Variants in PDE1A observed in about 807,000 individuals in gnomAD.
PDE1A encodes phosphodiesterase 1A, also known as dual specificity calcium/calmodulin-dependent 3',5'-cyclic nucleotide phosphodiesterase 1A.
In PDE1A, 35 loss-of-function variants were observed where a neutral mutation model predicts 61.7. The observed-to-expected ratio is 0.57, with a 90% confidence interval of 0.43 to 0.75. The LOEUF is 0.75. Among genes scored for constraint, PDE1A ranks in the 30% least tolerant of loss-of-function variants. The probability of loss-of-function intolerance (pLI) is 0.00; values close to 1 mark genes in which losing one functional copy is unlikely to be tolerated. For missense variants in PDE1A, 597 were observed against 630.6 expected (o/e 0.95, Z 0.57); for synonymous variants, 232 against 213.2 (o/e 1.09, Z -0.77).
the PDE1A span, among the ~76,000 whole-genome samples, chr2:182,559,054 G>T: frequency 6.6e-6 from 1 of 152,170 alleles, no homozygotes; most frequent in Non-Finnish European, 1.5e-5. Context: ...CAAACTTTGA[G>T]AATACCTCAA....
the PDE1A span, among the ~76,000 whole-genome samples, chr2:182,641,296 G>A: frequency 1.3e-5 from 2 of 151,984 alleles, no homozygotes; most frequent in African/African-American, 2.4e-5. Context: ...TTCTATTTTA[G>A]TTTAGGATTA....
rs1025316376 is a variant in PDE1A at position 182,189,121 on chromosome 2, C to T, written c.1126-61G>A. On this transcript the variant is annotated intron_variant, in intron 10 of 13. Coordinates refer to ENST00000351439, the Ensembl canonical transcript of PDE1A. ...TTGGAGAAGCTAAAATAATGAGCAA[C>T]CTAAGATATAAAGCCTAGAAAAGCC... is the stretch of plus-strand genomic sequence containing the variant. The T allele has an allele frequency of 2.9e-6, 3 of 1,034,726 alleles. No homozygotes were observed. In the African/African-American group the frequency reaches 4.8e-5, roughly 17 times the overall value. 64.1% of individuals were successfully genotyped at this position (1,034,726 alleles called of 1,614,324 possible).
chr2:182,660,008 A>G, the PDE1A span, among the ~76,000 whole-genome samples: 5 of 152,354 alleles, frequency 3.3e-5, no homozygotes, highest in East Asian at 5.8e-4. Context: ...AAACTTTACA[A>G]TAAGTTACCA....
intron 13 of PDE1A, among the ~76,000 whole-genome samples, chr2:182,149,959 A>G (rs924599949): frequency 6.6e-6 from 1 of 152,202 alleles, no homozygotes; most frequent in Non-Finnish European, 1.5e-5. Flanking sequence ...TTATCAACAT[A>G]TTTAAGTAAA....
the PDE1A span, among the ~76,000 whole-genome samples, chr2:182,570,869 C>T: frequency 6.6e-6 from 1 of 152,144 alleles, no homozygotes; most frequent in Non-Finnish European, 1.5e-5. Context: ...GATAAAGGCA[C>T]TTGTTGCCTG....
At chr2:182,598,363 G>C in the PDE1A span, among the ~76,000 whole-genome samples, 10 of 152,168 alleles carry the variant, frequency 6.6e-5, no homozygotes, top group Admixed American at 3.3e-4. Flanking sequence ...CCTAAGGCCA[G>C]GAGTTCAAGA....
chr2:182,230,893 C>T, intron 5 of PDE1A, 122 bp downstream of exon 5: 1 of 651,852 alleles, frequency 1.5e-6, no homozygotes, highest in Non-Finnish European at 2.7e-6. Context: ...CACCTTAATT[C>T]TGTGACCTGC....
the PDE1A span, among the ~76,000 whole-genome samples, chr2:182,531,872 C>T: frequency 2.2e-4 from 34 of 152,204 alleles, no homozygotes; most frequent in Non-Finnish European, 4.0e-4. Context: ...ACCTACAGGC[C>T]CCGGTGTGTA....
intron 1 of PDE1A, among the ~76,000 whole-genome samples, chr2:182,327,104 G>C (rs833174): frequency 0.64 from 97,174 of 152,052 alleles, 32,663 homozygotes; most frequent in Middle Eastern, 0.76. Flanking sequence ...GGGACACTAT[G>C]GTATATAAAA....
chr2:182,381,915 A>G (rs1216138440), intron 1 of PDE1A, among the ~76,000 whole-genome samples: 1 of 152,024 alleles, frequency 6.6e-6, no homozygotes, highest in Non-Finnish European at 1.5e-5. Flanking sequence ...TTCTTACTGA[A>G]ACATAGTCAT....
chr2:182,193,434 G>T (rs988040146), intron 10 of PDE1A, among the ~76,000 whole-genome samples: 2 of 152,094 alleles, frequency 1.3e-5, no homozygotes, highest in Non-Finnish European at 1.5e-5. Flanking sequence ...AGGGACAGGG[G>T]CTTAGGAGAC....
intron 1 of PDE1A, among the ~76,000 whole-genome samples, chr2:182,345,420 G>A (rs750059043): frequency 4.6e-5 from 7 of 151,984 alleles, no homozygotes; most frequent in Admixed American, 2.6e-4. Flanking sequence ...TTCCTGCTTC[G>A]TCTCTTAGCT....
intron 13 of PDE1A, among the ~76,000 whole-genome samples, chr2:182,158,518 A>G (rs947713238): frequency 1.3e-5 from 2 of 152,186 alleles, no homozygotes; most frequent in African/African-American, 4.8e-5. Context: ...AGTCTCATCT[A>G]AGATGGAAGG....
At chr2:182,589,257 AAGGG>A in the PDE1A span, among the ~76,000 whole-genome samples, 2 of 122,888 alleles carry the variant, frequency 1.6e-5, no homozygotes, top group African/African-American at 3.0e-5. Flanking sequence ...GAAAAGAAGG[AAGGG>A]AGGGAGGGAG....
At chr2:182,453,270 A>G (rs1178813150) in intron 2 of PDE1A, among the ~76,000 whole-genome samples, 1 of 152,084 alleles carries the variant, frequency 6.6e-6, no homozygotes, top group African/African-American at 2.4e-5. Context: ...TGAAGCTGAT[A>G]CGGTGATGAA....
intron 1 of PDE1A, among the ~76,000 whole-genome samples, chr2:182,302,467 T>G (rs972205671): frequency 6.6e-6 from 1 of 152,242 alleles, no homozygotes; most frequent in Non-Finnish European, 1.5e-5. Flanking sequence ...TAAAAATGTA[T>G]ATAACTTAAT....
At chr2:182,559,619 C>T in the PDE1A span, among the ~76,000 whole-genome samples, 2 of 152,210 alleles carry the variant, frequency 1.3e-5, no homozygotes, top group African/African-American at 4.8e-5. Flanking sequence ...CAGCAATTCT[C>T]TCCTACATAT....
At chr2:182,692,247 A>G in the PDE1A span, among the ~76,000 whole-genome samples, 3 of 152,262 alleles carry the variant, frequency 2.0e-5, no homozygotes, top group Non-Finnish European at 4.4e-5. Flanking sequence ...ACTACTCACA[A>G]TAGCAAAGAC....
At chr2:182,517,220 CT>C (rs1273712678) in intron 2 of PDE1A, among the ~76,000 whole-genome samples, 2 of 152,174 alleles carry the variant, frequency 1.3e-5, no homozygotes, top group African/African-American at 4.8e-5. Context: ...TGCATAACTA[CT>C]TAAGAGACTT....
Sources: allele counts gnomAD v4.1 joint callset (sites outside exome capture counted in the v4.1 genomes callset), GRCh38; gene constraint gnomAD v4.1.1; transcripts MANE v1.5; gene names NCBI Gene and HGNC (gene_info 2026-07-23, HGNC 2026-07-21).